Variants in GATC observed in about 807,000 individuals in gnomAD.
The protein encoded by GATC is glutamyl-tRNA(Gln) amidotransferase subunit C, mitochondrial.
GATC carries 11 observed loss-of-function variants against 14.4 expected under a neutral mutation model. The ratio of observed to expected loss-of-function variants is 0.77; its 90% CI spans 0.48 to 1.27. GATC has a LOEUF of 1.27. GATC is among the 50% of genes most tolerant of loss of function. The pLI is 0.00. For missense variants in GATC, 204 were observed against 183.0 expected (o/e 1.11, Z -0.66); for synonymous variants, 76 against 79.3 (o/e 0.96, Z 0.22).
At chr12:120,455,712 G>A (rs1358423165) in intron 2 of GATC, among the ~76,000 whole-genome samples, 2 of 151,642 alleles carry the variant, frequency 1.3e-5, no homozygotes, top group Non-Finnish European at 2.9e-5. Context: ...TTGAGGCAGA[G>A]TATCGCTCTG....
At chr12:120,459,828 G>T in intron 3 of GATC, 79 bp from the exon 4 acceptor site, 1 of 1,119,748 alleles carries the variant, frequency 8.9e-7, no homozygotes, top group Non-Finnish European at 1.3e-6. Flanking sequence ...CTGCACTCCA[G>T]CCTGGGCAAC....
chr12:120,454,107 G>A (rs1046358876), intron 2 of GATC, among the ~76,000 whole-genome samples: 11 of 152,142 alleles, frequency 7.2e-5, no homozygotes, highest in South Asian at 2.1e-4. Flanking sequence ...GCCTATTGGC[G>A]GTAGTAGAGA....
At chr12:120,455,382 T>C (rs1382401070) in intron 2 of GATC, among the ~76,000 whole-genome samples, 2 of 152,094 alleles carry the variant, frequency 1.3e-5, no homozygotes, top group Non-Finnish European at 2.9e-5. Context: ...TTGCCCAGGC[T>C]GGTCTTGAAC....
intron 2 of GATC, among the ~76,000 whole-genome samples, chr12:120,453,853 A>G (rs1454538157): frequency 1.3e-5 from 2 of 151,890 alleles, no homozygotes; most frequent in African/African-American, 4.8e-5. Context: ...AACAACAACA[A>G]CAAAAAACCA....
At chr12:120,454,050 A>G (rs1371587659) in intron 2 of GATC, among the ~76,000 whole-genome samples, 2 of 152,202 alleles carry the variant, frequency 1.3e-5, no homozygotes, top group African/African-American at 2.4e-5. Context: ...GAGTAAATAG[A>G]TTAGTTGCTA....
chr12:120,454,870 A>T, intron 2 of GATC: 1 of 236,026 alleles, frequency 4.2e-6, no homozygotes, highest in South Asian at 4.4e-5. Context: ...AAAAAAAAAA[A>T]AATCTAGTAC....
chr12:120,453,673 G>A (rs982902182), intron 2 of GATC, among the ~76,000 whole-genome samples: 7 of 152,054 alleles, frequency 4.6e-5, no homozygotes, highest in African/African-American at 7.2e-5. Context: ...CACAGAGACC[G>A]TGGGTTCAGG....
intron 3 of GATC, among the ~76,000 whole-genome samples, chr12:120,458,960 A>G (rs1236066651): frequency 1.3e-5 from 2 of 152,006 alleles, no homozygotes; most frequent in African/African-American, 4.8e-5. Context: ...TTCCACGTTC[A>G]TGCCATTCTC....
intron 2 of GATC, among the ~76,000 whole-genome samples, chr12:120,448,630 A>C (rs1339631713): frequency 7.0e-6 from 1 of 143,146 alleles, no homozygotes; most frequent in Non-Finnish European, 1.5e-5. Context: ...CACTGGCCAA[A>C]AAAGTCCATT....
intron 2 of GATC, among the ~76,000 whole-genome samples, chr12:120,453,757 G>A (rs117976328): frequency 0.02 from 3,107 of 151,808 alleles, 43 homozygotes; most frequent in Middle Eastern, 0.068. Flanking sequence ...TAAGGTGGGA[G>A]GATCACTTGA....
chr12:120,455,982 G>A (rs573310141), intron 2 of GATC, among the ~76,000 whole-genome samples: 3 of 152,214 alleles, frequency 2.0e-5, no homozygotes, highest in East Asian at 1.9e-4. Context: ...CACCGCGCCC[G>A]GCTGACAACT....
intron 2 of GATC, among the ~76,000 whole-genome samples, chr12:120,455,326 G>C (rs1417416991): frequency 6.6e-6 from 1 of 151,886 alleles, no homozygotes; most frequent in African/African-American, 2.4e-5. Flanking sequence ...GTGCCACCAC[G>C]CTTGGCTAGT....
At position 120,462,571 on chromosome 12, in the gene GATC, G is replaced by A. The variant is rs570791352; in HGVS notation, c.*2612G>A. On this transcript the variant is annotated 3_prime_UTR_variant, in exon 4 of 4. Transcript: ENST00000551765. The stretch of plus-strand genomic sequence containing the variant: ...CTTTGGATGGGCATCTATGGAAGGA[G>A]CTAGCCTGTATTTAATACCTTCCAG... 6.2e-6 allele frequency: 1 copy of A among 161,408 alleles called. No homozygotes were observed. Among genetic ancestry groups the A allele is most frequent in the Admixed American group, 6.2e-5 (1 of 16,144 alleles). 10.0% of individuals were successfully genotyped at this position (161,408 alleles called of 1,614,324 possible). A position where few individuals can be genotyped will look rare whatever the true frequency, so the allele number is the denominator to read the frequency against.
intron 3 of GATC, among the ~76,000 whole-genome samples, chr12:120,458,767 A>G (rs1878249927): frequency 6.6e-6 from 1 of 152,236 alleles, no homozygotes; most frequent in Admixed American, 6.5e-5. Flanking sequence ...CAGACTCCAC[A>G]GAAGACATTG....
intron 3 of GATC, among the ~76,000 whole-genome samples, chr12:120,459,477 TAGC>T (rs1878268974): frequency 6.6e-6 from 1 of 152,222 alleles, no homozygotes. Flanking sequence ...AACAGGACAG[TAGC>T]TACATTACTT....
Position 120,446,742 on chromosome 12 carries a change from G to T in GATC, c.167G>T (p.Arg56Leu), listed in dbSNP as rs1037855264. ...TTCGGCAGCCGCGAGGCAGTGGCGC[G>T]ACTGGAGAAAGCTATCGCCTTCGCC... ...VDFGSREAVA[R>L]LEKAIAFADR... is the part of the protein sequence containing the mutation. The change falls in exon 2 of 4, where the codon CGA becomes CTA. Residue 56 changes from arginine (R) to leucine (L), a missense_variant. Arg to Leu is a moderately radical substitution (Grantham distance 102). Transcript: ENST00000551765. 6.2e-7 allele frequency: 1 copy of T among 1,614,054 alleles called. No individual in the cohort carries two copies. Among genetic ancestry groups the T allele is most frequent in the Non-Finnish European group, 8.5e-7 (1 of 1,180,034 alleles).
chr12:120,458,272 G>C (rs1464799390), intron 3 of GATC, among the ~76,000 whole-genome samples: 1 of 151,740 alleles, frequency 6.6e-6, no homozygotes, highest in African/African-American at 2.4e-5. Flanking sequence ...TGTATTTTTA[G>C]TAGAGGCAGG....
chr12:120,456,832 C>A (rs559788542), intron 2 of GATC, among the ~76,000 whole-genome samples: 45 of 152,280 alleles, frequency 3.0e-4, no homozygotes, highest in African/African-American at 8.7e-4. Context: ...ATATAATCAT[C>A]AAAAACTATT....
intron 2 of GATC, chr12:120,454,987 A>G (rs753595052): frequency 8.6e-5 from 39 of 451,602 alleles, no homozygotes; most frequent in Non-Finnish European, 8.0e-5. Flanking sequence ...TCCTACATTC[A>G]AGTGATTCTT....
Sources: gnomAD v4.1 joint callset for allele counts (sites outside exome capture counted in the v4.1 genomes callset) on GRCh38, gnomAD v4.1.1 for gene constraint, MANE v1.5 for transcripts, NCBI Gene and HGNC (gene_info 2026-07-23, HGNC 2026-07-21) for gene names.